The following SAMD12 variants were observed in gnomAD, a reference collection of about 807,000 sequenced individuals.
The protein encoded by SAMD12 is sterile alpha motif domain containing 12, also known as sterile alpha motif domain-containing protein 12.
SAMD12 carries 9 observed loss-of-function variants against 15.0 expected under a neutral mutation model. That is an observed-to-expected ratio of 0.60 (90% CI 0.36 to 1.05). The LOEUF (loss-of-function observed/expected upper bound fraction) is 1.05, where lower values mean the gene tolerates loss of function less well. SAMD12 is among the 50% of genes least tolerant of loss of function. The probability of loss-of-function intolerance (pLI) is 0.01; values close to 1 mark genes in which losing one functional copy is unlikely to be tolerated. For synonymous variants in SAMD12, 86 were observed against 90.1 expected (o/e 0.96, Z 0.25); for missense variants, 230 against 234.2 (o/e 0.98, Z 0.12).
At chr8:118,567,660 G>A (rs1489296394) in intron 2 of SAMD12, among the ~76,000 whole-genome samples, 1 of 152,186 alleles carries the variant, frequency 6.6e-6, no homozygotes, top group Non-Finnish European at 1.5e-5. Flanking sequence ...TTTTTGGCAG[G>A]CCAAGTAGCC....
At chr8:118,496,098 G>C (rs1824600674) in intron 2 of SAMD12, among the ~76,000 whole-genome samples, 1 of 152,092 alleles carries the variant, frequency 6.6e-6, no homozygotes, top group African/African-American at 2.4e-5. Flanking sequence ...CCATGCTCAT[G>C]GATAGGAATA....
chr8:118,362,931 A>T (rs935367665), intron 4 of SAMD12, among the ~76,000 whole-genome samples: 3 of 152,210 alleles, frequency 2.0e-5, no homozygotes, highest in African/African-American at 4.8e-5. Context: ...TAGGGACCCA[A>T]TAGCTCAGGT....
At chr8:118,278,995 T>C (rs1373085256) in intron 4 of SAMD12, among the ~76,000 whole-genome samples, 1 of 152,184 alleles carries the variant, frequency 6.6e-6, no homozygotes, top group Non-Finnish European at 1.5e-5. Flanking sequence ...GCTTTCCCAA[T>C]GGGCTTCCCT....
intron 4 of SAMD12, among the ~76,000 whole-genome samples, chr8:118,370,703 A>G (rs1819049126): frequency 6.6e-6 from 1 of 152,194 alleles, no homozygotes; most frequent in Non-Finnish European, 1.5e-5. Context: ...CAAATACTTC[A>G]TGTTCTAATT....
intron 4 of SAMD12, among the ~76,000 whole-genome samples, chr8:118,340,821 AAT>A (rs1817323582): frequency 6.6e-6 from 1 of 152,200 alleles, no homozygotes; most frequent in Non-Finnish European, 1.5e-5. Context: ...TCCAGACTGA[AAT>A]TTAAATAAAC....
chr8:118,316,009 A>C (rs1815879555), intron 4 of SAMD12, among the ~76,000 whole-genome samples: 1 of 152,168 alleles, frequency 6.6e-6, no homozygotes, highest in African/African-American at 2.4e-5. Context: ...TTCAAAAATA[A>C]AATGAATCAT....
At chr8:118,381,215 T>C (rs556114718) in intron 3 of SAMD12, among the ~76,000 whole-genome samples, 1 of 152,276 alleles carries the variant, frequency 6.6e-6, no homozygotes, top group Admixed American at 6.5e-5. Flanking sequence ...AGTGAGTTCT[T>C]GGATGTGCGG....
At position 118,510,600 on chromosome 8, in the gene SAMD12, C is replaced by A. The variant is rs572790141; in HGVS notation, c.192+70115G>T. 3.3e-5 allele frequency among the ~76,000 whole-genome samples: 5 copies of A among 152,242 alleles called. No individual in the cohort carries two copies. In the East Asian group the frequency reaches 9.7e-4, roughly 29 times the overall value. On this transcript the variant is annotated intron_variant, in intron 2 of 3. Coordinates refer to ENST00000314727, the MANE Select transcript of SAMD12 (RefSeq NM_207506.3). ...AATCAAGTGAAGGCAACACCCTCCCCCAGGGTTATGCAGTGTAAACTTGGC... is the reference window on the plus strand; with the variant it reads ...AATCAAGTGAAGGCAACACCCTCCCACAGGGTTATGCAGTGTAAACTTGGC...
At chr8:118,348,977 G>A (rs905211620) in intron 4 of SAMD12, among the ~76,000 whole-genome samples, 3 of 152,316 alleles carry the variant, frequency 2.0e-5, no homozygotes, top group East Asian at 1.9e-4. Flanking sequence ...GTCTAGGACC[G>A]AGGCCAAGAA....
the SAMD12 span, among the ~76,000 whole-genome samples, chr8:118,165,620 A>ATATATATATACATATATATATG: frequency 2.3e-5 from 3 of 132,300 alleles, no homozygotes; most frequent in South Asian, 2.6e-4. Context: ...ATATGTATAT[A>ATATATATATACATATATATATG]TATATATATA....
intron 3 of SAMD12, among the ~76,000 whole-genome samples, chr8:118,413,378 C>A (rs1218719554): frequency 6.6e-6 from 1 of 152,260 alleles, no homozygotes; most frequent in East Asian, 1.9e-4. Context: ...GTCTCTAATA[C>A]ACTTGGCATA....
chr8:118,415,893 T>C (rs1821664009), intron 3 of SAMD12, among the ~76,000 whole-genome samples: 1 of 152,204 alleles, frequency 6.6e-6, no homozygotes, highest in Non-Finnish European at 1.5e-5. Context: ...AACAGACTAA[T>C]AGAGCCTGAG....
At chr8:118,490,609 C>T (rs1824415091) in intron 2 of SAMD12, among the ~76,000 whole-genome samples, 1 of 152,178 alleles carries the variant, frequency 6.6e-6, no homozygotes, top group African/African-American at 2.4e-5. Flanking sequence ...CTCTTTCTCC[C>T]TCTCACATCT....
chr8:118,348,528 C>T (rs532092008), intron 4 of SAMD12, among the ~76,000 whole-genome samples: 3 of 152,164 alleles, frequency 2.0e-5, no homozygotes, highest in Admixed American at 6.5e-5. Flanking sequence ...CCTGCCACCA[C>T]GCCCAGCTAA....
chr8:118,385,110 C>CAGTA (rs1181384794), intron 3 of SAMD12, among the ~76,000 whole-genome samples: 2 of 152,108 alleles, frequency 1.3e-5, no homozygotes, highest in Non-Finnish European at 2.9e-5. Flanking sequence ...ACTAGAATGG[C>CAGTA]AGTAATACAA....
At chr8:118,370,418 G>C (rs549153246) in intron 4 of SAMD12, among the ~76,000 whole-genome samples, 409 of 152,266 alleles carry the variant, frequency 2.7e-3, no homozygotes, top group African/African-American at 9.4e-3. Flanking sequence ...CTTTGCCCCA[G>C]CAATCCCATT....
At chr8:118,526,402 C>A (rs1027570229) in intron 2 of SAMD12, among the ~76,000 whole-genome samples, 1 of 152,086 alleles carries the variant, frequency 6.6e-6, no homozygotes, top group Non-Finnish European at 1.5e-5. Flanking sequence ...ACCTGTTGTA[C>A]AATTGCAGAG....
chr8:118,146,087 C>T, the SAMD12 span, among the ~76,000 whole-genome samples: 1 of 152,212 alleles, frequency 6.6e-6, no homozygotes, highest in Admixed American at 6.5e-5. Flanking sequence ...GCCATGGGAG[C>T]TTAACCATGG....
intron 1 of SAMD12, among the ~76,000 whole-genome samples, chr8:118,589,157 G>A (rs1454182126): frequency 6.6e-6 from 1 of 152,152 alleles, no homozygotes; most frequent in East Asian, 1.9e-4. Context: ...AAAGACAGGG[G>A]AAGAAACTAA....
Sources: allele counts gnomAD v4.1 joint callset (sites outside exome capture counted in the v4.1 genomes callset), GRCh38; gene constraint gnomAD v4.1.1; transcripts MANE v1.5; gene names NCBI Gene and HGNC (gene_info 2026-07-23, HGNC 2026-07-21).